The following C5orf24 variants were observed in gnomAD, a reference collection of about 807,000 sequenced individuals.
C5orf24 encodes chromosome 5 open reading frame 24.
Under a neutral mutation model 9.8 loss-of-function variants are expected in C5orf24, and 4 were observed. That is an observed-to-expected ratio of 0.41 (90% confidence interval 0.20 to 0.93). The LOEUF is 0.93. C5orf24 is among the 40% of genes least tolerant of loss of function. The pLI is 0.33. For missense variants in C5orf24, 170 were observed against 236.9 expected (o/e 0.72, Z 1.85); for synonymous variants, 73 against 81.3 (o/e 0.90, Z 0.55).
intron 1 of C5orf24, among the ~76,000 whole-genome samples, chr5:134,853,970 T>G (rs1033594472): frequency 4.6e-5 from 7 of 151,810 alleles, no homozygotes; most frequent in Admixed American, 4.6e-4. Flanking sequence ...GTCCCAGCTA[T>G]TCAGGAGGCT....
rs1434741165 is a variant in C5orf24 at position 134,855,340 on chromosome 5, C to T, written c.440C>T (p.Ala147Val). 3 of 1,614,040 alleles carry T rather than the reference C, an allele frequency of 1.9e-6. No individual in the cohort carries two copies. The highest frequency in any genetic ancestry group is 2.5e-6 in the Non-Finnish European group (3 of 1,180,044). ...SPGRPPGSIK[A>V]LSRLADLGYG... Reference sequence around the variant, plus strand: ...GGCAGACCTCCAGGTAGCATTAAAGCTCTATCCCGTCTTGCCGATCTTGGT... The same window carrying T: ...GGCAGACCTCCAGGTAGCATTAAAGTTCTATCCCGTCTTGCCGATCTTGGT... Residue 147 changes from alanine to valine, a missense_variant, in exon 2 of 2, where the codon GCT becomes GTT. Physicochemically the swap from Ala to Val is moderately conservative, Grantham distance 64. Transcript: ENST00000394976.
chr5:134,839,854 A>AT, the C5orf24 span, among the ~76,000 whole-genome samples: 50 of 150,936 alleles, frequency 3.3e-4, no homozygotes, highest in African/African-American at 1.1e-3. Flanking sequence ...TGCCTGGCTA[A>AT]TTTTTTTTTC....
intron 1 of C5orf24, among the ~76,000 whole-genome samples, chr5:134,847,810 C>G (rs1410168200): frequency 1.3e-5 from 2 of 151,760 alleles, no homozygotes; most frequent in Non-Finnish European, 2.9e-5. Context: ...AGCGATTCTC[C>G]TGCCTCAGCC....
chr5:134,857,241 C>T lies in C5orf24; in HGVS notation c.*1774C>T. On this transcript the variant is annotated 3_prime_UTR_variant, in exon 2 of 2. Transcript: ENST00000394976. ...GATTAAAATGTAGAATTGCAGGACC[C>T]AAAAACTTTTAAAATAATTAAAATT... The T allele has an allele frequency of 7.5e-7, 1 of 1,332,542 alleles. No homozygotes were observed. Among genetic ancestry groups the T allele is most frequent in the Admixed American group, 3.2e-5 (1 of 30,820 alleles). The allele number at this position is 1,332,542 out of a possible 1,614,324, so 82.5% of individuals were successfully genotyped here.
rs995607929 is a variant in C5orf24 at position 134,855,590 on chromosome 5, G to T, written c.*123G>T. The T allele has an allele frequency of 2.3e-5, 34 of 1,500,322 alleles. No homozygotes were observed. Among genetic ancestry groups the T allele is most frequent in the Admixed American group, 5.5e-5 (2 of 36,646 alleles). 92.9% of individuals were successfully genotyped at this position (1,500,322 alleles called of 1,614,324 possible). A position where few individuals can be genotyped will look rare whatever the true frequency, so the allele number is the denominator to read the frequency against. On this transcript the variant is annotated 3_prime_UTR_variant, in exon 2 of 2. Coordinates refer to ENST00000394976, the MANE Select transcript of C5orf24 (RefSeq NM_001135586.1). ...CTTTCCAAATTTGTTTTCCTGTTTG[G>T]TTTTTTTCCTGCTTTTGCTCAAAAA... is the stretch of plus-strand genomic sequence containing the variant.
At chr5:134,841,836 A>G (rs190569168), upstream of C5orf24, among the ~76,000 whole-genome samples, 37 of 152,272 alleles carry the variant, frequency 2.4e-4, no homozygotes, top group East Asian at 3.5e-3. Flanking sequence ...GGAGCTACAT[A>G]GTGGAGATTA....
In C5orf24 at chr5:134,857,683, C is replaced by T. The variant is rs868807537; in HGVS notation, c.*2216C>T. ...ATGCTTGCCTCTTTATTCATATGTT[C>T]GTTACCTACTCTGTACATGTATCTG... On this transcript the variant is annotated 3_prime_UTR_variant, in exon 2 of 2. Transcript: ENST00000394976. The T allele has an allele frequency of 3.6e-5, 11 of 309,204 alleles. No homozygotes were observed. Among genetic ancestry groups the T allele is most frequent in the Non-Finnish European group, 4.9e-5 (8 of 162,526 alleles). The allele number at this position is 309,204 out of a possible 1,614,324, so 19.2% of individuals were successfully genotyped here.
At position 134,857,604 on chromosome 5, in the gene C5orf24, A is replaced by T. The variant is rs1756348047; in HGVS notation, c.*2137A>T. The T allele has an allele frequency of 1.9e-6, 1 of 532,808 alleles. No individual in the cohort carries two copies. Among genetic ancestry groups the T allele is most frequent in the East Asian group, 3.4e-5 (1 of 29,202 alleles). 33.0% of individuals were successfully genotyped at this position (532,808 alleles called of 1,614,324 possible). A position where few individuals can be genotyped will look rare whatever the true frequency, so the allele number is the denominator to read the frequency against. ...AGAGCTTTTTCTTGCAAAAGCTTAA[A>T]ATACAAGATTTTTAATAATTTACTC... is the stretch of plus-strand genomic sequence containing the variant. On this transcript the variant is annotated 3_prime_UTR_variant, in exon 2 of 2. Transcript: ENST00000394976.
At chr5:134,850,426 C>T (rs1756124332) in intron 1 of C5orf24, among the ~76,000 whole-genome samples, 1 of 151,402 alleles carries the variant, frequency 6.6e-6, no homozygotes, top group African/African-American at 2.4e-5. Context: ...GGATTACAGG[C>T]GTGAACCACC....
chr5:134,840,797 A>G (rs972936694), upstream of C5orf24, among the ~76,000 whole-genome samples: 4 of 152,032 alleles, frequency 2.6e-5, no homozygotes, highest in Non-Finnish European at 4.4e-5. Context: ...CGGCCTCCCA[A>G]AGTGCTGGGA....
the C5orf24 span, among the ~76,000 whole-genome samples, chr5:134,836,168 C>CTTTTTTTTTTTTTTT: frequency 1.2e-5 from 1 of 86,434 alleles, no homozygotes; most frequent in Admixed American, 1.4e-4. Flanking sequence ...CATTGAGAAG[C>CTTTTTTTTTTTTTTT]TTTTTTTTTT....
chr5:134,837,976 G>A, the C5orf24 span, among the ~76,000 whole-genome samples: 2 of 152,162 alleles, frequency 1.3e-5, no homozygotes, highest in Non-Finnish European at 2.9e-5. Flanking sequence ...GTTGGGTGTG[G>A]TTGCTCACAC....
upstream of C5orf24, among the ~76,000 whole-genome samples, chr5:134,845,457 T>C (rs933066585): frequency 3.9e-5 from 6 of 152,208 alleles, no homozygotes; most frequent in East Asian, 5.8e-4. Flanking sequence ...GTGACTGATA[T>C]GTCAGATATC....
At chr5:134,843,333 A>G (rs150151320), upstream of C5orf24, among the ~76,000 whole-genome samples, 836 of 152,314 alleles carry the variant, frequency 5.5e-3, 4 homozygotes, top group Middle Eastern at 0.041. Flanking sequence ...TATTTTCAAG[A>G]ACAATATAAC....
chr5:134,836,458 C>A, the C5orf24 span, among the ~76,000 whole-genome samples: 3 of 151,910 alleles, frequency 2.0e-5, no homozygotes, highest in African/African-American at 4.8e-5. Context: ...CGGGCGTGAG[C>A]CACTGGGCCC....
At chr5:134,840,491 T>C in the C5orf24 span, among the ~76,000 whole-genome samples, 2 of 151,896 alleles carry the variant, frequency 1.3e-5, no homozygotes, top group African/African-American at 4.8e-5. Context: ...CCTCCCTCCT[T>C]AGCCTCTCAA....
the C5orf24 span, among the ~76,000 whole-genome samples, chr5:134,834,379 A>G: frequency 6.6e-6 from 1 of 152,128 alleles, no homozygotes; most frequent in African/African-American, 2.4e-5. Context: ...CCTTCCAGCC[A>G]TTCCCAGAAA....
upstream of C5orf24, among the ~76,000 whole-genome samples, chr5:134,841,573 T>G (rs1034620841): frequency 1.3e-5 from 2 of 152,032 alleles, no homozygotes; most frequent in Non-Finnish European, 2.9e-5. Context: ...GGTGACAGAA[T>G]GAGACTGTCT....
intron 1 of C5orf24, among the ~76,000 whole-genome samples, chr5:134,850,780 C>T (rs538791252): frequency 9.6e-4 from 146 of 151,604 alleles, no homozygotes; most frequent in Admixed American, 2.1e-3. Flanking sequence ...CCCAGCCGCA[C>T]GACTAATTTT....
Sources: allele counts gnomAD v4.1 joint callset (sites outside exome capture counted in the v4.1 genomes callset), GRCh38; gene constraint gnomAD v4.1.1; transcripts MANE v1.5; gene names NCBI Gene and HGNC (gene_info 2026-07-23, HGNC 2026-07-21).